The following MACROD2 variants were observed in gnomAD, a reference collection of about 807,000 sequenced individuals.
MACROD2 encodes ADP-ribose glycohydrolase MACROD2.
A neutral mutation model predicts 70.4 loss-of-function variants in MACROD2; 36 were observed. The ratio of observed to expected loss-of-function variants is 0.51; its 90% confidence interval spans 0.39 to 0.68. The LOEUF (loss-of-function observed/expected upper bound fraction) is 0.68. Ranked by LOEUF, MACROD2 falls within the 30% of genes least tolerant of loss-of-function variation. The pLI, the probability that MACROD2 is intolerant of heterozygous loss-of-function variation, is 0.00. For missense variants in MACROD2, 496 were observed against 538.4 expected (o/e 0.92, Z 0.78); for synonymous variants, 172 against 178.8 (o/e 0.96, Z 0.30).
intron 7 of MACROD2, among the ~76,000 whole-genome samples, chr20:15,494,593 A>G (rs1454274670): frequency 6.6e-6 from 1 of 152,168 alleles, no homozygotes; most frequent in East Asian, 1.9e-4. Context: ...TATAATTCAT[A>G]TATGTGGAGT....
chr20:15,124,482 CTATA>C lies in MACROD2; in HGVS notation c.419-105453_419-105450del, dbSNP rs746602687. Among the ~76,000 whole-genome samples the C allele has an allele frequency of 1.4e-4, 21 of 150,968 alleles. No homozygotes were observed. In the East Asian group the frequency reaches 3.5e-3, roughly 25 times the overall value. On this transcript the variant is annotated intron_variant, in intron 5 of 17. Transcript: ENST00000684519. ...TGAAATGCATATAGATTAAGGGAAA[CTATA>C]TATAGCCAACCAAAATAAAACAGCC...
chr20:15,357,798 CTT>C (rs200860242), intron 6 of MACROD2, among the ~76,000 whole-genome samples: 4 of 135,712 alleles, frequency 2.9e-5, no homozygotes, highest in African/African-American at 1.1e-4. Context: ...TTCATTCATT[CTT>C]TTTTTTTTTT....
In MACROD2 at chr20:14,949,302, T is replaced by C. The variant is rs991169818; in HGVS notation, c.418+264343T>C. 3.3e-5 allele frequency among the ~76,000 whole-genome samples: 5 copies of C among 152,326 alleles called. No homozygotes were observed. The East Asian group carries it at 7.7e-4, about 23-fold the overall frequency. On this transcript the variant is annotated intron_variant, in intron 5 of 17. Transcript: ENST00000684519. ...AAATGTTTAACTCTAAAGTTCAGCA[T>C]AGGAATGATACATTATCATTTAGTG... is the stretch of plus-strand genomic sequence containing the variant.
chr20:14,715,501 C>G (rs1362344605), intron 5 of MACROD2, among the ~76,000 whole-genome samples: 2 of 152,184 alleles, frequency 1.3e-5, no homozygotes, highest in Admixed American at 1.3e-4. Context: ...GCTGAAGAAT[C>G]CTTCATACCT....
At chr20:15,775,876 G>T (rs1386571277) in intron 8 of MACROD2, among the ~76,000 whole-genome samples, 3 of 152,096 alleles carry the variant, frequency 2.0e-5, no homozygotes, top group African/African-American at 7.2e-5. Context: ...GGGCAATTTG[G>T]TGATGCTTAC....
intron 3 of MACROD2, among the ~76,000 whole-genome samples, chr20:14,212,852 G>T (rs185572595): frequency 1.3e-5 from 2 of 151,876 alleles, no homozygotes; most frequent in South Asian, 2.1e-4. Context: ...AATAGAGGAA[G>T]GTTTGTTCCT....
intron 2 of MACROD2, among the ~76,000 whole-genome samples, chr20:14,053,936 T>A (rs1329941136): frequency 6.6e-6 from 1 of 152,136 alleles, no homozygotes; most frequent in Non-Finnish European, 1.5e-5. Context: ...ATGTTGAGCT[T>A]GGTGTTGGTA....
At chr20:15,545,688 T>C (rs1175509379) in intron 8 of MACROD2, among the ~76,000 whole-genome samples, 2 of 152,234 alleles carry the variant, frequency 1.3e-5, no homozygotes, top group Admixed American at 1.3e-4. Flanking sequence ...ATTAGAGAGT[T>C]TCCAGCTCTG....
In MACROD2 at chr20:14,366,794, A is replaced by C. The variant is rs183825799; in HGVS notation, c.272-126685A>C. Among the ~76,000 whole-genome samples, 312 of 152,296 alleles carry C rather than the reference A, an allele frequency of 2.0e-3. 2 individuals are homozygous for C. The highest frequency in any genetic ancestry group is 7.3e-3 in the African/African-American group (304 of 41,562). On this transcript the variant is annotated intron_variant, in intron 3 of 17. Coordinates refer to ENST00000684519, the MANE Select transcript of MACROD2 (RefSeq NM_001351661.2). ...CAGCCTATCTGTGTCTTTGGATCTA[A>C]AATGAGTCTCTTATCACAGCATGTA...
At chr20:14,827,887 C>G (rs1374134357) in intron 5 of MACROD2, among the ~76,000 whole-genome samples, 1 of 151,870 alleles carries the variant, frequency 6.6e-6, no homozygotes, top group African/African-American at 2.4e-5. Context: ...TACATACTAT[C>G]TAATATCTAA....
At chr20:15,096,763 C>T (rs1052895185) in intron 5 of MACROD2, among the ~76,000 whole-genome samples, 3 of 150,002 alleles carry the variant, frequency 2.0e-5, no homozygotes, top group Non-Finnish European at 3.0e-5. Flanking sequence ...CCGCCTGCCT[C>T]GGCCTCCCAA....
intron 5 of MACROD2, among the ~76,000 whole-genome samples, chr20:15,193,739 C>A (rs2076586883): frequency 6.6e-6 from 1 of 151,916 alleles, no homozygotes; most frequent in Non-Finnish European, 1.5e-5. Flanking sequence ...ATTTCCCCAG[C>A]CCCGCTGTCA....
chr20:15,753,830 C>G lies in MACROD2; in HGVS notation c.646-108915C>G, dbSNP rs527441377. On this transcript the variant is annotated intron_variant, in intron 8 of 17. Coordinates refer to ENST00000684519, the MANE Select transcript of MACROD2 (RefSeq NM_001351661.2). The stretch of plus-strand genomic sequence containing the variant: ...TGTTCTGACTGGTGTGAGATGGTAG[C>G]TCATCGTGCTTTTGATTTGCATGGC... Among the ~76,000 whole-genome samples, 134 of 152,232 alleles carry G rather than the reference C, an allele frequency of 8.8e-4. 2 individuals carry two copies. The highest frequency in any genetic ancestry group is 3.2e-3 in the African/African-American group (132 of 41,538).
At chr20:14,849,672 T>C (rs892591538) in intron 5 of MACROD2, among the ~76,000 whole-genome samples, 2 of 152,030 alleles carry the variant, frequency 1.3e-5, no homozygotes, top group Non-Finnish European at 2.9e-5. Flanking sequence ...TCCCAGCCAC[T>C]CGGGAGGCTA....
chr20:15,058,286 G>A (rs2075503249), intron 5 of MACROD2, among the ~76,000 whole-genome samples: 1 of 152,070 alleles, frequency 6.6e-6, no homozygotes, highest in Non-Finnish European at 1.5e-5. Context: ...TTTCTTCATA[G>A]ACTGTCCCCC....
In MACROD2 at chr20:16,023,473, C is replaced by CAAAAA. The variant is rs60347463; in HGVS notation, c.1154-17711_1154-17707dup. Among the ~76,000 whole-genome samples the CAAAAA allele has an allele frequency of 9.5e-4, 68 of 71,388 alleles. 1 individual carries two copies. The highest frequency in any genetic ancestry group is 2.0e-3 in the East Asian group (4 of 1,982). The allele number at this position is 71,388 out of a possible 152,430, so 46.8% of individuals were successfully genotyped here. A position where few individuals can be genotyped will look rare whatever the true frequency, so the allele number is the denominator to read the frequency against. On this transcript the variant is annotated intron_variant, in intron 15 of 17. Coordinates refer to ENST00000684519, the MANE Select transcript of MACROD2 (RefSeq NM_001351661.2). ...TAGGGGACAGAGCGAGACTCCATCT[C>CAAAAA]AAAAAAAAAAAAAAAAAAAAAGAGA...
chr20:14,794,668 C>A (rs1012817289), intron 5 of MACROD2, among the ~76,000 whole-genome samples: 1 of 152,020 alleles, frequency 6.6e-6, no homozygotes. Flanking sequence ...TATTAGGTTT[C>A]ATAATTAATT....
chr20:15,519,669 A>T (rs2047623893), intron 8 of MACROD2, among the ~76,000 whole-genome samples: 1 of 152,220 alleles, frequency 6.6e-6, no homozygotes, highest in African/African-American at 2.4e-5. Flanking sequence ...AATAAAAGAG[A>T]TGGAGTCTTA....
intron 5 of MACROD2, among the ~76,000 whole-genome samples, chr20:15,191,763 G>A (rs1403723946): frequency 6.6e-6 from 1 of 152,134 alleles, no homozygotes; most frequent in Non-Finnish European, 1.5e-5. Flanking sequence ...GCCTTTCTGA[G>A]CATTGCACAG....
Sources: allele counts gnomAD v4.1 joint callset (sites outside exome capture counted in the v4.1 genomes callset), GRCh38; gene constraint gnomAD v4.1.1; transcripts MANE v1.5; gene names NCBI Gene and HGNC (gene_info 2026-07-23, HGNC 2026-07-21).